OAS1: variants seen among roughly 807,000 people sequenced by gnomAD.
OAS1 encodes 2'-5'-oligoadenylate synthase 1.
OAS1 carries 24 observed loss-of-function variants against 38.5 expected under a neutral mutation model. That is an observed-to-expected ratio of 0.62 (90% CI 0.45 to 0.88). The LOEUF (loss-of-function observed/expected upper bound fraction) is 0.88. Among genes scored for constraint, OAS1 ranks in the 40% least tolerant of loss-of-function variants. The probability of loss-of-function intolerance (pLI) is 0.00; values close to 1 mark genes in which losing one functional copy is unlikely to be tolerated. For synonymous variants in OAS1, 169 were observed against 193.9 expected (o/e 0.87, Z 1.07); for missense variants, 482 against 493.9 (o/e 0.98, Z 0.23).
Position 112,908,594 on chromosome 12 carries a change from T to C in OAS1, c.239T>C (p.Val80Ala), listed in dbSNP as rs1310267430. ...GGCCGATCTGACGCTGACCTGGTTG[T>C]CTTCCTCAGTCCTCTCACCACTTTT... ...LRGRSDADLV[V>A]FLSPLTTFQD... Residue 80 changes from valine to alanine, a missense_variant, in exon 2 of 6, where the codon GTC becomes GCC. Coordinates refer to ENST00000202917, the MANE Select transcript of OAS1 (RefSeq NM_016816.4). The C allele has an allele frequency of 6.2e-7, 1 of 1,614,056 alleles. No individual in the cohort carries two copies. Among genetic ancestry groups the C allele is most frequent in the East Asian group, 2.2e-5 (1 of 44,890 alleles).
At chr12:112,921,976 T>C (rs188810520), downstream of OAS1, among the ~76,000 whole-genome samples, 321 of 152,314 alleles carry the variant, frequency 2.1e-3, 1 homozygote, top group African/African-American at 7.5e-3. Flanking sequence ...GGTCGGTCCA[T>C]AGACACAGTG....
intron 3 of OAS1, among the ~76,000 whole-genome samples, chr12:112,914,078 C>G (rs1484169951): frequency 6.6e-6 from 1 of 152,106 alleles, no homozygotes; most frequent in East Asian, 1.9e-4. Flanking sequence ...ATCTTTTAAC[C>G]CTTGCCACAC....
At chr12:112,929,396 A>G (rs1385343872) in intron 6 of OAS1, among the ~76,000 whole-genome samples, 2 of 152,132 alleles carry the variant, frequency 1.3e-5, no homozygotes, top group Non-Finnish European at 2.9e-5. Flanking sequence ...TCTCTTTGCC[A>G]AACATTGCTC....
chr12:112,928,788 G>C (rs117089116), intron 6 of OAS1, among the ~76,000 whole-genome samples: 1,988 of 152,362 alleles, frequency 0.013, 96 homozygotes, highest in East Asian at 0.098. Context: ...TCTTTAGTGG[G>C]AGGAACTACA....
intron 5 of OAS1, 72 bp from the exon 6 acceptor site, chr12:112,919,317 C>T (rs576600807): frequency 2.6e-5 from 36 of 1,378,936 alleles, no homozygotes; most frequent in Admixed American, 1.1e-4. Flanking sequence ...CAGTGTCTAC[C>T]GTAAATGCTC....
intron 1 of OAS1, 125 bp downstream of exon 1, chr12:112,907,344 G>A: frequency 2.4e-6 from 2 of 843,726 alleles, no homozygotes. Flanking sequence ...TGAGTACAGA[G>A]AGCTGAGATC....
At chr12:112,931,809 CA>C in intron 6 of OAS1, 1 of 629,588 alleles carries the variant, frequency 1.6e-6, no homozygotes, top group South Asian at 1.9e-5. Flanking sequence ...AGGCTTTTCT[CA>C]CTGATGCTCT....
rs1329517134 is a variant in OAS1 at position 112,916,688 on chromosome 12, T to A, written c.834T>A (p.Phe278Leu). Residue 278 changes from phenylalanine to leucine, a missense_variant, in exon 4 of 6, where the codon TTT (phenylalanine) becomes TTA (leucine). By Grantham distance (22) the Phe-to-Leu change is conservative. Transcript: ENST00000202917. Reference protein sequence around the residue: ...LCIYWTKYYDFKNPIIEKYLR... With the variant: ...LCIYWTKYYDLKNPIIEKYLR... Reference sequence around the variant, plus strand: ...TCTACTGGACAAAGTATTATGACTTTAAAAACCCCATTATTGAAAAGTACC... The same window carrying A: ...TCTACTGGACAAAGTATTATGACTTAAAAAACCCCATTATTGAAAAGTACC... 25 of 1,614,178 alleles carry A rather than the reference T, an allele frequency of 1.5e-5. 1 individual carries two copies. The highest frequency in any genetic ancestry group is 3.3e-4 in the Middle Eastern group (2 of 6,062).
downstream of OAS1, among the ~76,000 whole-genome samples, chr12:112,922,391 C>T (rs1182645692): frequency 6.6e-6 from 1 of 152,108 alleles, no homozygotes; most frequent in African/African-American, 2.4e-5. Context: ...TTGAGTAGTG[C>T]CCTTTCAAGA....
chr12:112,917,691 G>T lies in OAS1; in HGVS notation c.1029G>T (p.Trp343Cys). ...KNWDGSPVSS[W>C]ILLAESNSAD... ...GGGATGGGTCCCCAGTGAGCTCCTG[G>T]ATTCTGCTGGTGAGACCTCCTGCTT... is the stretch of plus-strand genomic sequence containing the variant. Residue 343 changes from tryptophan (W) to cysteine (C), a missense_variant, in exon 5 of 6, where the codon TGG becomes TGT. Trp to Cys is a radical substitution (Grantham distance 215). Coordinates refer to ENST00000202917, the MANE Select transcript of OAS1 (RefSeq NM_016816.4). 6.2e-7 allele frequency: 1 copy of T among 1,614,184 alleles called. No homozygotes were observed. The highest frequency in any genetic ancestry group is 8.5e-7 in the Non-Finnish European group (1 of 1,180,030).
rs747004173 is a variant in OAS1, at chr12:112,907,026, T to C, written c.-14T>C. The C allele has an allele frequency of 1.1e-5, 18 of 1,613,798 alleles. No individual in the cohort carries two copies. Among genetic ancestry groups the C allele is most frequent in the Admixed American group, 8.3e-5 (5 of 59,998 alleles). Reference sequence around the variant, plus strand: ...GTCTGGGAGGCAGTTCTGTTGCCACTCTCTCTCCTGTCAATGATGGATCTC... The same window carrying C: ...GTCTGGGAGGCAGTTCTGTTGCCACCCTCTCTCCTGTCAATGATGGATCTC... On this transcript the variant is annotated 5_prime_UTR_variant, in exon 1 of 6. Transcript: ENST00000202917.
intron 6 of OAS1, among the ~76,000 whole-genome samples, chr12:112,930,218 CT>C (rs1228216600): frequency 3.3e-5 from 5 of 152,238 alleles, no homozygotes; most frequent in African/African-American, 1.2e-4. Flanking sequence ...CTCCTGAGGC[CT>C]CCCCAGAAGC....
chr12:112,927,850 G>A (rs756222336), intron 6 of OAS1, among the ~76,000 whole-genome samples: 23 of 152,128 alleles, frequency 1.5e-4, no homozygotes, highest in Non-Finnish European at 3.1e-4. Flanking sequence ...TTGGGAGCAA[G>A]GATGCTGGAA....
At position 112,908,733 on chromosome 12, in the gene OAS1, G is replaced by C; in HGVS notation, c.378G>C (p.Trp126Cys). Residue 126 changes from tryptophan (W) to cysteine (C), a missense_variant, in exon 2 of 6, where the codon TGG becomes TGC. Trp to Cys is a radical substitution (Grantham distance 215). Transcript: ENST00000202917. ...SVKFEVQAPR[W>C]GNPRALSFVL... ...AGTTTGAGGTCCAGGCTCCACGCTG[G>C]GGCAACCCCCGTGCGCTCAGCTTCG... 6.2e-7 allele frequency: 1 copy of C among 1,614,166 alleles called. No homozygotes were observed. The highest frequency in any genetic ancestry group is 1.3e-5 in the African/African-American group (1 of 75,032).
Position 112,916,539 on chromosome 12 carries a change from C to T in OAS1, c.685C>T (p.Gln229Ter). The T allele has an allele frequency of 6.2e-7, 1 of 1,614,180 alleles. No individual in the cohort carries two copies. The highest frequency in any genetic ancestry group is 1.1e-5 in the South Asian group (1 of 91,084). Residue 229 changes from glutamine to a stop codon, truncating the protein, a stop_gained, in exon 4 of 6, where the codon CAG (glutamine) becomes TAG (stop). Coordinates refer to ENST00000202917, the MANE Select transcript of OAS1 (RefSeq NM_016816.4). LOFTEE classifies it high-confidence loss of function. ...CKKKLGKLPP[Q>*]YALELLTVYA... ...GAAGAAGCTTGGGAAGCTGCCACCT[C>T]AGTATGCCCTGGAGCTCCTGACGGT... is the stretch of plus-strand genomic sequence containing the variant.
chr12:112,916,419 G>A, intron 3 of OAS1, 90 bp from the exon 4 acceptor site: 1 of 897,908 alleles, frequency 1.1e-6, no homozygotes, highest in Non-Finnish European at 1.8e-6. Context: ...TATAAAAACA[G>A]GTGGCAGGCT....
Position 112,916,493 on chromosome 12 carries a change from T to A in OAS1, c.655-16T>A, listed in dbSNP as rs775924434. 6.2e-7 allele frequency: 1 copy of A among 1,607,238 alleles called. No individual in the cohort carries two copies. The highest frequency in any genetic ancestry group is 1.7e-5 in the Admixed American group (1 of 59,624). ...GAGCAAACCAATTTTTTTCTGATTGTTTTTCCTCTTCTCAGTGTAAGAAGA... is the reference window on the plus strand; with the variant it reads ...GAGCAAACCAATTTTTTTCTGATTGATTTTCCTCTTCTCAGTGTAAGAAGA... On this transcript the variant is annotated splice_polypyrimidine_tract_variant and intron_variant, in intron 3 of 5. Transcript: ENST00000202917.
intron 6 of OAS1, among the ~76,000 whole-genome samples, chr12:112,928,022 A>T (rs2043571129): frequency 6.6e-6 from 1 of 152,202 alleles, no homozygotes. Context: ...TGTGCTGACC[A>T]CAGGCAAACC....
At chr12:112,926,865 A>AC (rs990698611) in intron 6 of OAS1, among the ~76,000 whole-genome samples, 24 of 152,176 alleles carry the variant, frequency 1.6e-4, no homozygotes, top group East Asian at 1.2e-3. Context: ...TAAGGCAGAC[A>AC]CCCCCAGAGC....
Sources: allele counts gnomAD v4.1 joint callset (sites outside exome capture counted in the v4.1 genomes callset), GRCh38; gene constraint gnomAD v4.1.1; transcripts MANE v1.5; gene names NCBI Gene and HGNC (gene_info 2026-07-23, HGNC 2026-07-21).